SNCAIP: variants seen among roughly 807,000 people sequenced by gnomAD.
SNCAIP encodes the protein synuclein alpha interacting protein, also known as synphilin-1.
A neutral mutation model predicts 86.7 loss-of-function variants in SNCAIP; 43 were observed. The ratio of observed to expected loss-of-function variants is 0.50; its 90% CI spans 0.39 to 0.64. The LOEUF is 0.64. SNCAIP is among the 30% of genes least tolerant of loss of function. The pLI, the probability that SNCAIP is intolerant of heterozygous loss-of-function variation, is 0.00. For synonymous variants in SNCAIP, 417 were observed against 427.2 expected, an observed-to-expected ratio of 0.98 and a Z score of 0.29; for missense variants, 981 against 1,103.1, an observed-to-expected ratio of 0.89 and a Z score of 1.57.
chr5:122,364,272 C>G (rs1269613041), intron 1 of SNCAIP, among the ~76,000 whole-genome samples: 1 of 152,182 alleles, frequency 6.6e-6, no homozygotes, highest in African/African-American at 2.4e-5. Context: ...AAATGGGCAA[C>G]CAGCAGCCCT....
intron 1 of SNCAIP, among the ~76,000 whole-genome samples, chr5:122,351,961 C>T (rs933026216): frequency 6.6e-6 from 1 of 152,164 alleles, no homozygotes; most frequent in Non-Finnish European, 1.5e-5. Context: ...AGGAGGCAGG[C>T]CACATCTGGT....
intron 1 of SNCAIP, among the ~76,000 whole-genome samples, chr5:122,387,748 C>T (rs913710536): frequency 6.6e-6 from 1 of 152,184 alleles, no homozygotes; most frequent in African/African-American, 2.4e-5. Context: ...AACATAATCC[C>T]CACTTCGTAA....
At chr5:122,462,847 C>T (rs1022427371) in intron 10 of SNCAIP, among the ~76,000 whole-genome samples, 1 of 152,120 alleles carries the variant, frequency 6.6e-6, no homozygotes, top group African/African-American at 2.4e-5. Flanking sequence ...GGAGTAATAC[C>T]TCATGAAAAT....
intron 1 of SNCAIP, among the ~76,000 whole-genome samples, chr5:122,373,327 G>A (rs937311229): frequency 6.6e-6 from 1 of 152,070 alleles, no homozygotes; most frequent in African/African-American, 2.4e-5. Context: ...TCTCATCACT[G>A]GAGCAAGCAG....
intron 2 of SNCAIP, among the ~76,000 whole-genome samples, chr5:122,402,229 A>C (rs1771975877): frequency 6.6e-6 from 1 of 152,178 alleles, no homozygotes; most frequent in South Asian, 2.1e-4. Flanking sequence ...AAGCTACCAG[A>C]GTCCTTAGAG....
Position 122,451,236 on chromosome 5 carries a change from A to G in SNCAIP, c.2389A>G (p.Ser797Gly). 4 of 1,614,156 alleles carry G rather than the reference A, an allele frequency of 2.5e-6. No individual in the cohort carries two copies. The highest frequency in any genetic ancestry group is 3.4e-6 in the Non-Finnish European group (4 of 1,179,996). Residue 797 changes from serine (S) to glycine (G), a missense_variant, in exon 10 of 11, where the codon AGT becomes GGT. Transcript: ENST00000261368. Reference sequence around the variant, plus strand: ...CCAGAAAGTTGCCACAAGTCCCAAGAGTGCCCTCAAGTCTCCATCTTCCAA... The same window carrying G: ...CCAGAAAGTTGCCACAAGTCCCAAGGGTGCCCTCAAGTCTCCATCTTCCAA... ...AAQKVATSPK[S>G]ALKSPSSKRR... is the part of the protein sequence containing the mutation.
chr5:122,448,210 T>G (rs1381364754), intron 8 of SNCAIP, among the ~76,000 whole-genome samples: 1 of 152,184 alleles, frequency 6.6e-6, no homozygotes, highest in Non-Finnish European at 1.5e-5. Context: ...ATTTGTTTAG[T>G]TACATGTCCT....
chr5:122,401,164 T>C, intron 2 of SNCAIP: 1 of 1,538,546 alleles, frequency 6.5e-7, no homozygotes, highest in Non-Finnish European at 8.8e-7. Context: ...TAAAAGGCCA[T>C]CTGTCCTGTG....
intron 2 of SNCAIP, among the ~76,000 whole-genome samples, chr5:122,393,504 A>C (rs1769883472): frequency 6.6e-6 from 1 of 152,166 alleles, no homozygotes; most frequent in African/African-American, 2.4e-5. Context: ...CTCCGGGATG[A>C]ATATAGTTTA....
At chr5:122,380,204 G>A (rs1003398234) in intron 1 of SNCAIP, among the ~76,000 whole-genome samples, 1 of 152,064 alleles carries the variant, frequency 6.6e-6, no homozygotes, top group African/African-American at 2.4e-5. Context: ...ATTGATTATT[G>A]CCACAATTTC....
At chr5:122,348,471 T>C (rs576939208) in intron 1 of SNCAIP, among the ~76,000 whole-genome samples, 4 of 152,268 alleles carry the variant, frequency 2.6e-5, no homozygotes, top group Admixed American at 2.6e-4. Context: ...TGACTAGTTA[T>C]AAAAGTAGTC....
intron 1 of SNCAIP, among the ~76,000 whole-genome samples, chr5:122,380,195 T>C (rs1766386936): frequency 6.6e-6 from 1 of 152,220 alleles, no homozygotes; most frequent in South Asian, 2.1e-4. Context: ...TGGTAAACTA[T>C]TGATTATTGC....
intron 1 of SNCAIP, among the ~76,000 whole-genome samples, chr5:122,352,467 C>A (rs1760057241): frequency 6.6e-6 from 1 of 152,068 alleles, no homozygotes; most frequent in South Asian, 2.1e-4. Context: ...TTAGTATGAA[C>A]CTTTTGAAAA....
rs79092673 is a variant in SNCAIP at position 122,374,304 on chromosome 5, G to A, written c.-46-16785G>A. On this transcript the variant is annotated intron_variant, in intron 1 of 10. Transcript: ENST00000261368. ...TCTTAGTCTGTTTCTTGAAAGACTT[G>A]GCAGCATGCAGCTTTATTCCAGCTG... Among the ~76,000 whole-genome samples, 227 of 152,194 alleles carry A rather than the reference G, an allele frequency of 1.5e-3. 1 individual carries two copies. Among genetic ancestry groups the A allele is most frequent in the African/African-American group, 4.9e-3 (202 of 41,546 alleles).
intron 3 of SNCAIP, among the ~76,000 whole-genome samples, chr5:122,412,012 A>G (rs2152898269): frequency 6.6e-6 from 1 of 152,332 alleles, no homozygotes; most frequent in South Asian, 2.1e-4. Context: ...CTTCAAGGCC[A>G]GAGTGATCTT....
chr5:122,399,155 G>A (rs1301244284), intron 2 of SNCAIP, among the ~76,000 whole-genome samples: 1 of 152,102 alleles, frequency 6.6e-6, no homozygotes, highest in African/African-American at 2.4e-5. Flanking sequence ...GTCTTCATCT[G>A]CTGAGCTTAA....
At chr5:122,421,202 T>C (rs893214579) in intron 3 of SNCAIP, among the ~76,000 whole-genome samples, 2 of 152,212 alleles carry the variant, frequency 1.3e-5, no homozygotes, top group Non-Finnish European at 2.9e-5. Flanking sequence ...CTTCCACAGC[T>C]CGTAGTATTC....
At chr5:122,449,693 T>TCC (rs1783304942) in intron 8 of SNCAIP, 152 bp from the exon 9 acceptor site, 3 of 633,998 alleles carry the variant, frequency 4.7e-6, no homozygotes, top group African/African-American at 1.8e-5. Context: ...CTTAGGAAAA[T>TCC]TTCTGAACCT....
chr5:122,363,532 C>A (rs1236700228), intron 1 of SNCAIP, among the ~76,000 whole-genome samples: 1 of 151,732 alleles, frequency 6.6e-6, no homozygotes, highest in African/African-American at 2.4e-5. Context: ...AAAGTGAGGC[C>A]CAGGAGAAGG....
Sources: gnomAD v4.1 joint callset for allele counts (sites outside exome capture counted in the v4.1 genomes callset) on GRCh38, gnomAD v4.1.1 for gene constraint, MANE v1.5 for transcripts, NCBI Gene and HGNC (gene_info 2026-07-23, HGNC 2026-07-21) for gene names.